Variants in PRKAR1A observed in about 807,000 individuals in gnomAD.
The protein encoded by PRKAR1A is cAMP-dependent protein kinase type I-alpha regulatory subunit.
In PRKAR1A, 3 loss-of-function variants were observed where a neutral mutation model predicts 52.0. The ratio of observed to expected loss-of-function variants is 0.06; its 90% CI spans 0.03 to 0.15. PRKAR1A has a LOEUF of 0.15. Among genes scored for constraint, PRKAR1A ranks in the 10% least tolerant of loss-of-function variants. The probability of loss-of-function intolerance (pLI) is 1.00; values close to 1 mark genes in which losing one functional copy is unlikely to be tolerated. For synonymous variants in PRKAR1A, 188 were observed against 168.4 expected, an observed-to-expected ratio of 1.12 and a Z score of -0.90; for missense variants, 240 against 477.4, an observed-to-expected ratio of 0.50 and a Z score of 4.63.
the PRKAR1A span, among the ~76,000 whole-genome samples, chr17:68,504,367 T>G: frequency 6.6e-6 from 1 of 151,976 alleles, no homozygotes; most frequent in Non-Finnish European, 1.5e-5. Flanking sequence ...CTTGGGAGGC[T>G]GAGGCATGAG....
At chr17:68,540,783 G>A (rs2086251204) in intron 11 of PRKAR1A, 2 of 1,546,106 alleles carry the variant, frequency 1.3e-6, no homozygotes, top group African/African-American at 1.4e-5. Context: ...TGTGCTCAAG[G>A]TCACGGGGAA....
At chr17:68,449,724 C>T in the PRKAR1A span, among the ~76,000 whole-genome samples, 1 of 152,218 alleles carries the variant, frequency 6.6e-6, no homozygotes, top group Non-Finnish European at 1.5e-5. Context: ...CAGATGCTGC[C>T]GTGCTTCCTG....
the PRKAR1A span, among the ~76,000 whole-genome samples, chr17:68,423,098 G>A: frequency 5.9e-5 from 9 of 152,264 alleles, no homozygotes; most frequent in East Asian, 1.9e-4. The surrounding 1 kb of genome is among the most constrained non-coding windows in gnomAD (Gnocchi z 4.4). Context: ...ATGTTTGTTC[G>A]TCACTACAAG....
the PRKAR1A span, among the ~76,000 whole-genome samples, chr17:68,493,416 A>G: frequency 6.6e-6 from 1 of 151,098 alleles, no homozygotes; most frequent in Non-Finnish European, 1.5e-5. Context: ...TAAGTTGTCC[A>G]TATAAAAAAA....
the PRKAR1A span, among the ~76,000 whole-genome samples, chr17:68,487,803 C>A: frequency 0.43 from 51,694 of 120,988 alleles, 9,109 homozygotes; most frequent in Middle Eastern, 0.47. Context: ...TCATCTCAGA[C>A]AAAAAAAAAA....
the PRKAR1A span, among the ~76,000 whole-genome samples, chr17:68,501,985 C>G: frequency 6.6e-6 from 1 of 152,200 alleles, no homozygotes; most frequent in Non-Finnish European, 1.5e-5. Context: ...TAGGTTCTCT[C>G]GCTCTTATTT....
upstream of PRKAR1A, among the ~76,000 whole-genome samples, chr17:68,511,332 T>C (rs1427906237): frequency 1.3e-5 from 2 of 152,202 alleles, no homozygotes; most frequent in African/African-American, 4.8e-5. Context: ...GTTACAGACT[T>C]GATGTGTCTA....
the PRKAR1A span, among the ~76,000 whole-genome samples, chr17:68,481,925 C>G: frequency 6.6e-6 from 1 of 152,182 alleles, no homozygotes; most frequent in Non-Finnish European, 1.5e-5. Flanking sequence ...TTGCTTGGTA[C>G]GTGCTAGGCA....
downstream of PRKAR1A, chr17:68,536,565 A>G (rs1257837154): frequency 2.2e-6 from 1 of 453,910 alleles, no homozygotes; most frequent in Middle Eastern, 6.9e-4. Flanking sequence ...TCACCTTTCC[A>G]CATAGCCCCT....
chr17:68,431,176 C>T, the PRKAR1A span, among the ~76,000 whole-genome samples: 59 of 152,274 alleles, frequency 3.9e-4, 2 homozygotes, highest in East Asian at 0.011. Context: ...AAAGAAAAAC[C>T]ACGTGAGCAG....
chr17:68,542,827 C>T, intron 11 of PRKAR1A: 6 of 1,576,812 alleles, frequency 3.8e-6, no homozygotes, highest in Non-Finnish European at 4.4e-6. Context: ...AGAGGAAGCT[C>T]TGTTCCATCT....
At chr17:68,426,247 A>AGGGGGGGG in the PRKAR1A span, 3 of 655,812 alleles carry the variant, frequency 4.6e-6, no homozygotes, top group East Asian at 4.3e-5. Flanking sequence ...GCGGGTGGGG[A>AGGGGGGGG]GCGGGGGCTC....
At chr17:68,457,199 G>A in the PRKAR1A span, 2 of 951,046 alleles carry the variant, frequency 2.1e-6, no homozygotes, top group Non-Finnish European at 3.1e-6. Context: ...GGGATAACAA[G>A]ATCCCAATGC....
chr17:68,442,239 G>A, the PRKAR1A span, among the ~76,000 whole-genome samples: 2 of 152,050 alleles, frequency 1.3e-5, no homozygotes, highest in East Asian at 1.9e-4. Context: ...CAAGGCGGGC[G>A]GATCACTTGA....
At chr17:68,473,280 C>A in the PRKAR1A span, among the ~76,000 whole-genome samples, 2 of 152,090 alleles carry the variant, frequency 1.3e-5, no homozygotes, top group African/African-American at 4.8e-5. Context: ...TGGCTCTTCA[C>A]ACCTGTAATC....
At chr17:68,542,801 T>C (rs1352534413) in intron 11 of PRKAR1A, 1 of 1,613,182 alleles carries the variant, frequency 6.2e-7, no homozygotes, top group Non-Finnish European at 8.5e-7. Context: ...CCGTCGGAAG[T>C]CCAGAATCCT....
the PRKAR1A span, chr17:68,453,059 G>A: frequency 7.4e-7 from 1 of 1,352,298 alleles, no homozygotes; most frequent in Non-Finnish European, 1.1e-6. Flanking sequence ...TCTGCAAATA[G>A]ATGCCTTTTG....
At chr17:68,458,149 GTTATC>G in the PRKAR1A span, among the ~76,000 whole-genome samples, 1 of 152,234 alleles carries the variant, frequency 6.6e-6, no homozygotes, top group African/African-American at 2.4e-5. Context: ...GAGATAGCAA[GTTATC>G]TTATCCATTG....
At chr17:68,419,796 GA>G in the PRKAR1A span, among the ~76,000 whole-genome samples, 178 of 137,214 alleles carry the variant, frequency 1.3e-3, no homozygotes, top group Admixed American at 1.5e-3. Context: ...CCTGTCTCTG[GA>G]AAAAAAAAAA....
Sources: gnomAD v4.1 joint callset for allele counts (sites outside exome capture counted in the v4.1 genomes callset) on GRCh38, gnomAD v4.1.1 for gene constraint, Gnocchi (gnomAD v3.1) non-coding constraint, MANE v1.5 for transcripts, NCBI Gene and HGNC (gene_info 2026-07-23, HGNC 2026-07-21) for gene names.